SND1: variants seen among roughly 807,000 people sequenced by gnomAD.
SND1 encodes the protein staphylococcal nuclease domain-containing protein 1.
A neutral mutation model predicts 121.7 loss-of-function variants in SND1; 38 were observed. That is an observed-to-expected ratio of 0.31 (90% confidence interval 0.24 to 0.41). The LOEUF is 0.41. Ranked by LOEUF, SND1 falls within the 10% of genes least tolerant of loss-of-function variation. The pLI is 1.00. For synonymous variants in SND1, 401 were observed against 447.4 expected, an observed-to-expected ratio of 0.90 and a Z score of 1.31; for missense variants, 868 against 1,184.6, an observed-to-expected ratio of 0.73 and a Z score of 3.92.
chr7:127,928,432 AC>A (rs1313480799), intron 14 of SND1, among the ~76,000 whole-genome samples: 1 of 151,428 alleles, frequency 6.6e-6, no homozygotes, highest in Non-Finnish European at 1.5e-5. Context: ...ATCTTACATA[AC>A]CTATTTAAAG....
intron 14 of SND1, among the ~76,000 whole-genome samples, chr7:127,922,047 G>A (rs1170168929): frequency 6.6e-6 from 1 of 151,908 alleles, no homozygotes; most frequent in Non-Finnish European, 1.5e-5. Flanking sequence ...GGAGTGCAGT[G>A]GTGCGCCATC....
intron 15 of SND1, among the ~76,000 whole-genome samples, chr7:127,956,380 A>C (rs1044633619): frequency 3.3e-5 from 5 of 152,210 alleles, no homozygotes; most frequent in East Asian, 1.9e-4. Context: ...CTTTGTCTCC[A>C]GGAGTAAGTC....
intron 17 of SND1, among the ~76,000 whole-genome samples, chr7:128,075,123 A>G (rs1182439310): frequency 6.6e-6 from 1 of 152,166 alleles, no homozygotes; most frequent in Non-Finnish European, 1.5e-5. Context: ...AAACAACCCT[A>G]GGAGAGGCCT....
intron 9 of SND1, among the ~76,000 whole-genome samples, chr7:127,710,356 C>A (rs1296534009): frequency 5.3e-5 from 8 of 151,642 alleles, no homozygotes. Flanking sequence ...CTATACCAGT[C>A]CTACTCAAAA....
chr7:127,715,104 G>T (rs1486867591), intron 9 of SND1, among the ~76,000 whole-genome samples: 2 of 151,840 alleles, frequency 1.3e-5, no homozygotes, highest in East Asian at 1.9e-4. Context: ...GGTGCACGAG[G>T]GTTCTACTTT....
intron 15 of SND1, among the ~76,000 whole-genome samples, chr7:127,939,326 G>T (rs190589229): frequency 6.6e-6 from 1 of 152,190 alleles, no homozygotes; most frequent in African/African-American, 2.4e-5. Flanking sequence ...TGAAGATTGG[G>T]AGTAGGAATT....
chr7:127,718,607 C>A, intron 9 of SND1: 1 of 985,380 alleles, frequency 1.0e-6, no homozygotes, highest in Non-Finnish European at 1.2e-6. Flanking sequence ...AGATGCTGAG[C>A]AGCAGAGAGA....
intron 16 of SND1, chr7:128,028,888 C>CTGTTGCTGCTGCGGA (rs760854029): frequency 1.1e-5 from 17 of 1,613,920 alleles, no homozygotes; most frequent in Admixed American, 5.0e-5. Flanking sequence ...GACGGAGCTG[C>CTGTTGCTGCTGCGGA]TGTTGCTGCT....
At chr7:127,827,136 T>G (rs927012405) in intron 11 of SND1, among the ~76,000 whole-genome samples, 1 of 152,224 alleles carries the variant, frequency 6.6e-6, no homozygotes, top group African/African-American at 2.4e-5. Flanking sequence ...TGTTTAAACT[T>G]GGGGAAGCCA....
rs1587577835 is a variant in SND1 at position 127,664,021 on chromosome 7, T to G, written c.78+11570T>G. On this transcript the variant is annotated intron_variant, in intron 1 of 23. Transcript: ENST00000354725. ...CTTCTTGGCACAGAGCTCCTAAAAC[T>G]CTAGTCATTTCTTTTTTGCTTTTTT... Among the ~76,000 whole-genome samples the G allele has an allele frequency of 1.3e-5, 2 of 152,326 alleles. 1 individual carries two copies. The highest frequency in any genetic ancestry group is 4.1e-4 in the South Asian group (2 of 4,830).
chr7:128,077,082 G>T (rs1793518364), intron 17 of SND1, among the ~76,000 whole-genome samples: 1 of 152,216 alleles, frequency 6.6e-6, no homozygotes, highest in African/African-American at 2.4e-5. Context: ...GCTCAGCAGG[G>T]CCCTGCACAG....
intron 10 of SND1, among the ~76,000 whole-genome samples, chr7:127,751,816 G>A (rs1336129089): frequency 3.3e-5 from 5 of 152,234 alleles, no homozygotes; most frequent in African/African-American, 1.2e-4. Flanking sequence ...CTGGACACTG[G>A]CCTAGTCATG....
At chr7:127,742,357 C>T (rs552184224) in intron 10 of SND1, among the ~76,000 whole-genome samples, 1 of 152,308 alleles carries the variant, frequency 6.6e-6, no homozygotes, top group Non-Finnish European at 1.5e-5. Flanking sequence ...GCCTCTGCAA[C>T]TGTCACTCTC....
intron 16 of SND1, among the ~76,000 whole-genome samples, chr7:128,069,715 G>A (rs1793375357): frequency 1.3e-5 from 2 of 152,304 alleles, no homozygotes; most frequent in South Asian, 4.1e-4. Flanking sequence ...ATTTATATTA[G>A]TTCATTTAAT....
chr7:127,910,375 G>A (rs1800428987), intron 14 of SND1, among the ~76,000 whole-genome samples: 1 of 152,098 alleles, frequency 6.6e-6, no homozygotes, highest in Non-Finnish European at 1.5e-5. Flanking sequence ...AACCTGGGAG[G>A]CAGAGGTTGC....
chr7:127,795,833 A>G (rs1798007689), intron 10 of SND1, among the ~76,000 whole-genome samples: 1 of 151,696 alleles, frequency 6.6e-6, no homozygotes, highest in Admixed American at 6.6e-5. Context: ...ATGTTTTCTA[A>G]TCTTTTATTT....
intron 17 of SND1, among the ~76,000 whole-genome samples, chr7:128,078,449 T>G (rs1218526017): frequency 6.6e-6 from 1 of 152,262 alleles, no homozygotes; most frequent in Non-Finnish European, 1.5e-5. Flanking sequence ...TGGAGACACC[T>G]TGCTTCTGCT....
At chr7:128,032,227 G>C (rs897106958) in intron 16 of SND1, 1 of 149,064 alleles carries the variant, frequency 6.7e-6, no homozygotes, top group South Asian at 2.1e-4. Flanking sequence ...CCAGCGCCGC[G>C]CCGGCCGGCG....
chr7:127,791,807 G>A (rs186077366), intron 10 of SND1, among the ~76,000 whole-genome samples: 28 of 152,220 alleles, frequency 1.8e-4, no homozygotes, highest in African/African-American at 4.3e-4. Flanking sequence ...TGGGCCTCCC[G>A]TGATTTGCCA....
Sources: allele counts gnomAD v4.1 joint callset (sites outside exome capture counted in the v4.1 genomes callset), GRCh38; gene constraint gnomAD v4.1.1; transcripts MANE v1.5; gene names NCBI Gene and HGNC (gene_info 2026-07-23, HGNC 2026-07-21).